TXNDC16: variants seen among roughly 807,000 people sequenced by gnomAD.
TXNDC16 encodes the protein thioredoxin domain-containing protein 16.
A neutral mutation model predicts 85.6 loss-of-function variants in TXNDC16; 74 were observed. The ratio of observed to expected loss-of-function variants is 0.86; its 90% CI spans 0.72 to 1.05. The LOEUF (loss-of-function observed/expected upper bound fraction) is 1.05. Ranked by LOEUF, TXNDC16 falls within the 50% of genes least tolerant of loss-of-function variation. The pLI is 0.00. For synonymous variants in TXNDC16, 335 were observed against 326.5 expected (o/e 1.03, Z -0.28); for missense variants, 959 against 947.0 (o/e 1.01, Z -0.17).
intron 9 of TXNDC16, among the ~76,000 whole-genome samples, chr14:52,493,355 G>C (rs2036459063): frequency 6.6e-6 from 1 of 151,846 alleles, no homozygotes; most frequent in African/African-American, 2.4e-5. Context: ...CCTCTAACAT[G>C]AAAGACAGAG....
chr14:52,432,226 T>C lies in TXNDC16; in HGVS notation c.*78A>G. On this transcript the variant is annotated 3_prime_UTR_variant, in exon 21 of 21. Coordinates refer to ENST00000281741, the MANE Select transcript of TXNDC16 (RefSeq NM_020784.3). The stretch of plus-strand genomic sequence containing the variant: ...ATGGCACTAGTCTGCAAACTTGAAA[T>C]GATTTAATATTATTCTTTAAGGAAA... The C allele has an allele frequency of 1.5e-6, 2 of 1,313,726 alleles. No homozygotes were observed. The highest frequency in any genetic ancestry group is 2.1e-6 in the Non-Finnish European group (2 of 973,264). The allele number at this position is 1,313,726 out of a possible 1,614,324, so 81.4% of individuals were successfully genotyped here.
intron 20 of TXNDC16, among the ~76,000 whole-genome samples, chr14:52,433,769 G>A (rs1366145301): frequency 6.6e-6 from 1 of 152,212 alleles, no homozygotes; most frequent in Non-Finnish European, 1.5e-5. Flanking sequence ...GTGTTGCCAG[G>A]TTAGCAGGTT....
In TXNDC16 at chr14:52,502,017, T is replaced by C. The variant is rs1594734867; in HGVS notation, c.756+9223A>G. 2.0e-5 allele frequency among the ~76,000 whole-genome samples: 3 copies of C among 152,226 alleles called. No individual in the cohort carries two copies. In the South Asian group the frequency reaches 6.2e-4, roughly 32 times the overall value. ...CTGTACTCTGCATTCATTTTCTCTG[T>C]TCTGGTCTATGAAAGTCCACGAATC... On this transcript the variant is annotated intron_variant, in intron 9 of 20. Transcript: ENST00000281741.
Position 52,511,384 on chromosome 14 carries a change from C to T in TXNDC16, c.612G>A (p.Glu204=), listed in dbSNP as rs766568969. The stretch of plus-strand genomic sequence containing the variant: ...AGTAGAGATGTGCATATTCCACATC[C>T]TCAGAGCTACAAATTAAAAATTAAT... ...EIALLESIGS[E]DVEYAHLYFF... Residue 204 remains glutamate (E), a synonymous_variant, in exon 9 of 21, where the codon GAG becomes GAA. Coordinates refer to ENST00000281741, the MANE Select transcript of TXNDC16 (RefSeq NM_020784.3). 4.5e-6 allele frequency: 7 copies of T among 1,567,424 alleles called. No individual in the cohort carries two copies. In the East Asian group the frequency reaches 1.1e-4, roughly 25 times the overall value.
intron 6 of TXNDC16, among the ~76,000 whole-genome samples, chr14:52,524,587 A>T (rs980332539): frequency 6.6e-6 from 1 of 152,108 alleles, no homozygotes; most frequent in South Asian, 2.1e-4. Context: ...CTTCTGGGCT[A>T]AAGCCATTAT....
At chr14:52,530,172 TTATA>T (rs1375175038) in intron 6 of TXNDC16, among the ~76,000 whole-genome samples, 3 of 85,714 alleles carry the variant, frequency 3.5e-5, no homozygotes, top group Admixed American at 2.3e-4. Context: ...ATATATTATA[TTATA>T]TATAAATATA....
At chr14:52,439,115 C>T in intron 20 of TXNDC16, 89 bp downstream of exon 20, 1 of 1,322,954 alleles carries the variant, frequency 7.6e-7, no homozygotes. Flanking sequence ...TTTAATAACT[C>T]ATCCTACCAT....
At chr14:52,441,974 C>T (rs1236834469) in intron 18 of TXNDC16, among the ~76,000 whole-genome samples, 9 of 152,008 alleles carry the variant, frequency 5.9e-5, no homozygotes, top group Admixed American at 2.0e-4. Context: ...AGTCAGAATC[C>T]CAGGTTCTGG....
At chr14:52,506,718 G>A (rs1212147505) in intron 9 of TXNDC16, among the ~76,000 whole-genome samples, 12 of 142,954 alleles carry the variant, frequency 8.4e-5, no homozygotes, top group East Asian at 2.2e-4. Context: ...CACCGCGCCC[G>A]GCTAATTTTC....
At chr14:52,506,438 G>A (rs1051182454) in intron 9 of TXNDC16, among the ~76,000 whole-genome samples, 2 of 148,906 alleles carry the variant, frequency 1.3e-5, no homozygotes, top group Admixed American at 6.7e-5. Flanking sequence ...ATCAATAAAC[G>A]TAATCCAGCA....
At chr14:52,551,913 G>A (rs2038060052) in intron 1 of TXNDC16, among the ~76,000 whole-genome samples, 1 of 152,172 alleles carries the variant, frequency 6.6e-6, no homozygotes, top group African/African-American at 2.4e-5. Context: ...CTTAAGCCCA[G>A]AGCATCTTCC....
intron 16 of TXNDC16, among the ~76,000 whole-genome samples, chr14:52,460,097 G>A (rs961038144): frequency 8.5e-5 from 13 of 152,108 alleles, no homozygotes; most frequent in Non-Finnish European, 1.6e-4. Flanking sequence ...CATCCAGGCT[G>A]GGCACAGTGG....
chr14:52,439,178 T>A (rs763954697), intron 20 of TXNDC16, 26 bp downstream of exon 20: 10 of 1,599,346 alleles, frequency 6.3e-6, no homozygotes, highest in African/African-American at 1.3e-5. Flanking sequence ...CAGAACTACA[T>A]GTATTAAACA....
In TXNDC16 at chr14:52,431,633, C is replaced by T. The variant is rs905978073; in HGVS notation, c.*671G>A. 1.3e-5 allele frequency: 2 copies of T among 152,144 alleles called. No individual in the cohort carries two copies. The highest frequency in any genetic ancestry group is 2.4e-5 in the African/African-American group (1 of 41,420). The allele number at this position is 152,144 out of a possible 1,614,324, so 9.4% of individuals were successfully genotyped here. A position where few individuals can be genotyped will look rare whatever the true frequency, so the allele number is the denominator to read the frequency against. ...GGCAGGATAATTCTTTGTTGTGGGG[C>T]GCTGTCCAATGCAGGTTATTTAGCA... On this transcript the variant is annotated 3_prime_UTR_variant, in exon 21 of 21. Coordinates refer to ENST00000281741, the MANE Select transcript of TXNDC16 (RefSeq NM_020784.3).
intron 18 of TXNDC16, among the ~76,000 whole-genome samples, chr14:52,441,181 AATC>A (rs1378539085): frequency 1.2e-4 from 18 of 152,248 alleles, no homozygotes; most frequent in Admixed American, 1.2e-3. Context: ...TTATGGTTAA[AATC>A]ATAATTAAAA....
intron 20 of TXNDC16, among the ~76,000 whole-genome samples, chr14:52,432,882 C>T (rs1259264857): frequency 1.3e-5 from 2 of 152,056 alleles, no homozygotes; most frequent in African/African-American, 4.8e-5. Flanking sequence ...TTAACCTTTG[C>T]TAAGGTTTTC....
At chr14:52,538,149 T>C (rs1379740242) in intron 4 of TXNDC16, among the ~76,000 whole-genome samples, 1 of 152,172 alleles carries the variant, frequency 6.6e-6, no homozygotes, top group Non-Finnish European at 1.5e-5. Flanking sequence ...AATGGCTAAA[T>C]GGTGTTTGGA....
chr14:52,489,506 C>G lies in TXNDC16; in HGVS notation c.984+885G>C, dbSNP rs139024241. On this transcript the variant is annotated intron_variant, in intron 11 of 20. Transcript: ENST00000281741. ...CATTTTTTTAACATTATATTCGAAA[C>G]GAGCAATTTTAATTTCTACAGAAAT... Among the ~76,000 whole-genome samples, 4 of 151,970 alleles carry G rather than the reference C, an allele frequency of 2.6e-5. No individual in the cohort carries two copies. In the East Asian group the frequency reaches 7.7e-4, roughly 29 times the overall value.
rs552724337 is a variant in TXNDC16 at position 52,539,396 on chromosome 14, A to G, written c.244-1724T>C. On this transcript the variant is annotated intron_variant, in intron 4 of 20. Coordinates refer to ENST00000281741, the MANE Select transcript of TXNDC16 (RefSeq NM_020784.3). ...CACCTCCAGCAGGTTCAAATAACAG[A>G]AAGATGACCACTATGTATTAAGAAC... 1.2e-4 allele frequency among the ~76,000 whole-genome samples: 18 copies of G among 152,344 alleles called. No individual in the cohort carries two copies. In the South Asian group the frequency reaches 3.7e-3, roughly 32 times the overall value.
Sources: gnomAD v4.1 joint callset for allele counts (sites outside exome capture counted in the v4.1 genomes callset) on GRCh38, gnomAD v4.1.1 for gene constraint, MANE v1.5 for transcripts, NCBI Gene and HGNC (gene_info 2026-07-23, HGNC 2026-07-21) for gene names.